The following SGF29 variants were observed in gnomAD, a reference collection of about 807,000 sequenced individuals.
The protein encoded by SGF29 is SAGA complex associated factor 29.
SGF29 carries 15 observed loss-of-function variants against 38.1 expected under a neutral mutation model. The observed-to-expected ratio is 0.39, with a 90% CI of 0.26 to 0.61. SGF29 has a LOEUF of 0.61. Among genes scored for constraint, SGF29 ranks in the 20% least tolerant of loss-of-function variants. SGF29 has a pLI of 0.49. For synonymous variants in SGF29, 151 were observed against 160.8 expected (o/e 0.94, Z 0.46); for missense variants, 184 against 394.6 (o/e 0.47, Z 4.52).
intron 1 of SGF29, among the ~76,000 whole-genome samples, chr16:28,566,121 A>G (rs1206699599): frequency 2.0e-5 from 3 of 151,784 alleles, no homozygotes; most frequent in African/African-American, 7.3e-5. Context: ...AAAATACAAA[A>G]AAATTAGCCA....
chr16:28,579,318 C>T (rs1316758559), intron 1 of SGF29, among the ~76,000 whole-genome samples: 3 of 141,114 alleles, frequency 2.1e-5, no homozygotes, highest in Non-Finnish European at 1.5e-5. Context: ...AGTGCAGTGG[C>T]GTGATCTCGG....
intron 1 of SGF29, among the ~76,000 whole-genome samples, chr16:28,574,671 C>G (rs2046883370): frequency 6.6e-6 from 1 of 152,174 alleles, no homozygotes; most frequent in Admixed American, 6.5e-5. Flanking sequence ...TATGCCAAGC[C>G]ACACCTTCCC....
At position 28,585,004 on chromosome 16, in the gene SGF29, C is replaced by T. The variant is rs1271980059; in HGVS notation, c.151+16C>T. On this transcript the variant is annotated intron_variant, in intron 3 of 9. Coordinates refer to ENST00000317058, the MANE Select transcript of SGF29 (RefSeq NM_138414.3). ...GAGAACAAGAGTGAGTAGCTGGGCT[C>T]AGGAGAGAAAGGGGATGAGATGGGG... 6.2e-7 allele frequency: 1 copy of T among 1,609,646 alleles called. No homozygotes were observed. Among genetic ancestry groups the T allele is most frequent in the Non-Finnish European group, 8.5e-7 (1 of 1,176,364 alleles).
At chr16:28,554,640 A>C (rs1487679206) in intron 1 of SGF29, among the ~76,000 whole-genome samples, 1 of 152,174 alleles carries the variant, frequency 6.6e-6, no homozygotes, top group Non-Finnish European at 1.5e-5. Context: ...ACAACAAAAC[A>C]GCCTCCTTCA....
At chr16:28,582,900 A>C (rs188093518) in intron 2 of SGF29, among the ~76,000 whole-genome samples, 71 of 152,256 alleles carry the variant, frequency 4.7e-4, no homozygotes, top group African/African-American at 1.7e-3. Flanking sequence ...GCACCACTGC[A>C]CTCCAGCCTG....
chr16:28,580,880 C>T (rs930443849), intron 1 of SGF29, among the ~76,000 whole-genome samples, 175 bp from the exon 2 acceptor site: 9 of 152,118 alleles, frequency 5.9e-5, no homozygotes, highest in Admixed American at 5.9e-4. Context: ...ACGGGGTCTC[C>T]GTGTTGCCCA....
rs898604776 is a variant in SGF29, at chr16:28,572,356, G to A, written c.-15-8699G>A. 7.3e-5 allele frequency among the ~76,000 whole-genome samples: 11 copies of A among 151,312 alleles called. No homozygotes were observed. The East Asian group carries it at 1.8e-3, about 24-fold the overall frequency. On this transcript the variant is annotated intron_variant, in intron 1 of 9. Transcript: ENST00000317058. ...ACGATCTCGGCTCACTGCAACATCC[G>A]CCTGCTGGGTTCAAGCAGCTCTCCT...
At position 28,591,756 on chromosome 16, in the gene SGF29, G is replaced by C; in HGVS notation, c.*50G>C. ...CCCAACGACACAGGGCAGGACAGCA[G>C]AGGACGTGCTGGGATTAAACACATT... On this transcript the variant is annotated 3_prime_UTR_variant, in exon 10 of 10. Coordinates refer to ENST00000317058, the MANE Select transcript of SGF29 (RefSeq NM_138414.3). 6.9e-7 allele frequency: 1 copy of C among 1,453,008 alleles called. No individual in the cohort carries two copies. The highest frequency in any genetic ancestry group is 1.4e-5 in the African/African-American group (1 of 72,004). 90.0% of individuals were successfully genotyped at this position (1,453,008 alleles called of 1,614,324 possible). A position where few individuals can be genotyped will look rare whatever the true frequency, so the allele number is the denominator to read the frequency against.
At position 28,564,661 on chromosome 16, in the gene SGF29, A is replaced by G. The variant is rs1255710376; in HGVS notation, c.-16+10564A>G. 6.9e-5 allele frequency among the ~76,000 whole-genome samples: 6 copies of G among 87,430 alleles called. 1 individual carries two copies. The highest frequency in any genetic ancestry group is 2.9e-4 in the Admixed American group (2 of 6,858). 57.4% of individuals were successfully genotyped at this position (87,430 alleles called of 152,430 possible). On this transcript the variant is annotated intron_variant, in intron 1 of 9. Transcript: ENST00000317058. ...TATATATGTGTATATATACGTATAT[A>G]TATGCATATATATGTATATATATGT...
chr16:28,559,476 C>T (rs1335145261), intron 1 of SGF29, among the ~76,000 whole-genome samples: 7 of 152,136 alleles, frequency 4.6e-5, no homozygotes, highest in African/African-American at 1.2e-4. Flanking sequence ...CTCCGCCTCC[C>T]GGATTCAAGC....
chr16:28,555,121 A>G lies in SGF29; in HGVS notation c.-16+1024A>G, dbSNP rs1365057216. 2.6e-5 allele frequency among the ~76,000 whole-genome samples: 4 copies of G among 152,062 alleles called. No individual in the cohort carries two copies. The East Asian group carries it at 7.7e-4, about 29-fold the overall frequency. ...GTCCTCCTAACCAAAGCCTCCCCAA[A>G]TGCTGGAATTACAGGCATGAGCCAC... On this transcript the variant is annotated intron_variant, in intron 1 of 9. Coordinates refer to ENST00000317058, the MANE Select transcript of SGF29 (RefSeq NM_138414.3).
At chr16:28,574,604 C>T (rs1459618082) in intron 1 of SGF29, among the ~76,000 whole-genome samples, 1 of 152,214 alleles carries the variant, frequency 6.6e-6, no homozygotes, top group Admixed American at 6.5e-5. Context: ...GCCTGTCCAA[C>T]TCCCTATAAC....
intron 2 of SGF29, among the ~76,000 whole-genome samples, chr16:28,582,977 G>A (rs1432302402): frequency 1.3e-5 from 2 of 152,122 alleles, no homozygotes; most frequent in Non-Finnish European, 2.9e-5. Context: ...GGCAGATTAC[G>A]CATTCCATTC....
chr16:28,564,539 G>GTATATATAGATGTA (rs2046811043), intron 1 of SGF29, among the ~76,000 whole-genome samples: 1 of 89,044 alleles, frequency 1.1e-5, no homozygotes, highest in Non-Finnish European at 2.4e-5. Context: ...ATATATATAT[G>GTATATATAGATGTA]TATATATATA....
intron 1 of SGF29, among the ~76,000 whole-genome samples, chr16:28,564,790 C>T (rs1419035485): frequency 3.0e-4 from 36 of 118,188 alleles, no homozygotes; most frequent in South Asian, 5.0e-4. Flanking sequence ...TATATATACA[C>T]ACACACACAC....
chr16:28,577,759 A>G (rs142733409), intron 1 of SGF29, among the ~76,000 whole-genome samples: 1 of 152,152 alleles, frequency 6.6e-6, no homozygotes, highest in Admixed American at 6.5e-5. Context: ...GATCATTTAT[A>G]TGTCTTCTTT....
intron 1 of SGF29, among the ~76,000 whole-genome samples, chr16:28,557,967 T>G (rs1014223330): frequency 4.8e-4 from 45 of 92,844 alleles, no homozygotes; most frequent in African/African-American, 2.2e-3. Context: ...CTTTCTCTGT[T>G]TTTTTTTTTT....
intron 5 of SGF29, among the ~76,000 whole-genome samples, chr16:28,589,751 A>C (rs1398643834): frequency 6.6e-6 from 1 of 152,172 alleles, no homozygotes; most frequent in Non-Finnish European, 1.5e-5. Flanking sequence ...AGAAAAGTAC[A>C]CATAAGTGCA....
chr16:28,587,108 A>T (rs1391246653), intron 4 of SGF29, among the ~76,000 whole-genome samples: 2 of 152,192 alleles, frequency 1.3e-5, no homozygotes, highest in Non-Finnish European at 2.9e-5. Context: ...GGCCTCCCAA[A>T]GTGCTGGGAT....
Sources: gnomAD v4.1 joint callset for allele counts (sites outside exome capture counted in the v4.1 genomes callset) on GRCh38, gnomAD v4.1.1 for gene constraint, MANE v1.5 for transcripts, NCBI Gene and HGNC (gene_info 2026-07-23, HGNC 2026-07-21) for gene names.